Variants in BICC1 observed in about 807,000 individuals in gnomAD.
BICC1 encodes BicC family RNA binding protein 1.
BICC1 carries 43 observed loss-of-function variants against 111.0 expected under a neutral mutation model. The ratio of observed to expected loss-of-function variants is 0.39; its 90% confidence interval spans 0.30 to 0.50. The LOEUF (loss-of-function observed/expected upper bound fraction) is 0.50. Ranked by LOEUF, BICC1 falls within the 20% of genes least tolerant of loss-of-function variation. The pLI is 0.88. For missense variants in BICC1, 1,091 were observed against 1,203.2 expected (o/e 0.91, Z 1.38); for synonymous variants, 467 against 434.4 (o/e 1.07, Z -0.93).
chr10:58,769,404 G>GTGTATATATATATA (rs1050060686), intron 3 of BICC1, among the ~76,000 whole-genome samples: 30 of 109,750 alleles, frequency 2.7e-4, no homozygotes, highest in Non-Finnish European at 3.8e-4. Context: ...GTGTGTGTGT[G>GTGTATATATATATA]TATATATATA....
chr10:58,533,793 G>A (rs1026529310), intron 1 of BICC1, among the ~76,000 whole-genome samples: 1 of 151,682 alleles, frequency 6.6e-6, no homozygotes, highest in African/African-American at 2.4e-5. Flanking sequence ...CAGAAAAAAT[G>A]AGAAAGAAAG....
In BICC1 at chr10:58,686,179, G is replaced by C. The variant is rs370723467; in HGVS notation, c.238-15895G>C. 3.0e-4 allele frequency among the ~76,000 whole-genome samples: 45 copies of C among 152,336 alleles called. No individual in the cohort carries two copies. The East Asian group carries it at 8.7e-3, about 29-fold the overall frequency. On this transcript the variant is annotated intron_variant, in intron 2 of 20. Transcript: ENST00000373886. ...GTTGAAAATTCTTTTCTTTAAGAATGTTGAATATTGGACCCCACTCTATTC... is the reference window on the plus strand; with the variant it reads ...GTTGAAAATTCTTTTCTTTAAGAATCTTGAATATTGGACCCCACTCTATTC...
chr10:58,825,674 C>T (rs572522925), intron 20 of BICC1, among the ~76,000 whole-genome samples: 3 of 152,100 alleles, frequency 2.0e-5, no homozygotes, highest in Admixed American at 6.6e-5. Flanking sequence ...GCAGTGAGCT[C>T]GATGTTACAA....
chr10:58,736,616 A>G (rs938461044), intron 3 of BICC1, among the ~76,000 whole-genome samples: 4 of 152,222 alleles, frequency 2.6e-5, no homozygotes, highest in Admixed American at 1.3e-4. Flanking sequence ...GGGTATCTCC[A>G]TGATTTATTG....
chr10:58,529,371 A>G (rs1276252390), intron 1 of BICC1, among the ~76,000 whole-genome samples: 1 of 151,822 alleles, frequency 6.6e-6, no homozygotes. Flanking sequence ...GTATTTTCAG[A>G]ATTGTTTTAA....
chr10:58,709,755 G>A (rs982717174), intron 3 of BICC1, among the ~76,000 whole-genome samples: 1 of 152,210 alleles, frequency 6.6e-6, no homozygotes, highest in East Asian at 1.9e-4. Flanking sequence ...GTAAAAAAAT[G>A]TGGGACATGA....
At chr10:58,644,925 G>A (rs555802326) in intron 2 of BICC1, among the ~76,000 whole-genome samples, 8 of 152,004 alleles carry the variant, frequency 5.3e-5, no homozygotes, top group East Asian at 1.9e-4. Context: ...TTTAAATACC[G>A]GTTCTTAATA....
At position 58,693,820 on chromosome 10, in the gene BICC1, A is replaced by C. The variant is rs926493566; in HGVS notation, c.238-8254A>C. On this transcript the variant is annotated intron_variant, in intron 2 of 20. Transcript: ENST00000373886. ...CTCCCATTCTGTAGGTTGCCTGTTCACTCTGATGGTAGTTTCTTTTGCTGT... is the reference window on the plus strand; with the variant it reads ...CTCCCATTCTGTAGGTTGCCTGTTCCCTCTGATGGTAGTTTCTTTTGCTGT... Among the ~76,000 whole-genome samples, 10 of 152,026 alleles carry C rather than the reference A, an allele frequency of 6.6e-5. No individual in the cohort carries two copies. The South Asian group carries it at 2.1e-3, about 32-fold the overall frequency.
At chr10:58,579,288 G>A (rs1844199359) in intron 1 of BICC1, among the ~76,000 whole-genome samples, 1 of 152,184 alleles carries the variant, frequency 6.6e-6, no homozygotes, top group South Asian at 2.1e-4. Flanking sequence ...CTCCTTGCTG[G>A]AGAGAAGACA....
chr10:58,586,736 T>C (rs1295253162), intron 1 of BICC1, among the ~76,000 whole-genome samples: 3 of 151,696 alleles, frequency 2.0e-5, no homozygotes, highest in Non-Finnish European at 4.4e-5. Flanking sequence ...TACATGCAAA[T>C]GAATATATGT....
intron 2 of BICC1, among the ~76,000 whole-genome samples, chr10:58,665,992 C>A (rs1379188930): frequency 6.6e-6 from 1 of 152,102 alleles, no homozygotes; most frequent in African/African-American, 2.4e-5. Context: ...TCCTTATGTT[C>A]TCATACTTCT....
intron 2 of BICC1, among the ~76,000 whole-genome samples, chr10:58,682,708 G>A (rs573305668): frequency 6.6e-5 from 10 of 152,004 alleles, no homozygotes; most frequent in East Asian, 3.9e-4. Flanking sequence ...CATATCCTTC[G>A]CCCACTTTTT....
chr10:58,635,976 G>T (rs1427331990), intron 2 of BICC1, among the ~76,000 whole-genome samples: 1 of 152,128 alleles, frequency 6.6e-6, no homozygotes, highest in Non-Finnish European at 1.5e-5. Context: ...ACTTTGTTTG[G>T]ATTTTCTTAG....
chr10:58,783,814 T>C (rs1842941657), intron 3 of BICC1, among the ~76,000 whole-genome samples: 1 of 152,240 alleles, frequency 6.6e-6, no homozygotes, highest in South Asian at 2.1e-4. Context: ...TTCAGTTTTA[T>C]CATAAAGCTG....
At chr10:58,610,432 C>T in intron 1 of BICC1, among the ~76,000 whole-genome samples, 1 of 152,046 alleles carries the variant, frequency 6.6e-6, no homozygotes, top group East Asian at 1.9e-4. Context: ...AGCAGTGGTC[C>T]CCACTGTTAG....
At chr10:58,820,889 A>T (rs534111953) in intron 20 of BICC1, among the ~76,000 whole-genome samples, 71 of 152,252 alleles carry the variant, frequency 4.7e-4, no homozygotes, top group African/African-American at 1.6e-3. Context: ...CTGAGAAGAA[A>T]AGAATGCTGG....
chr10:58,676,257 G>A (rs1266043498), intron 2 of BICC1, among the ~76,000 whole-genome samples: 2 of 152,156 alleles, frequency 1.3e-5, no homozygotes, highest in Non-Finnish European at 2.9e-5. Context: ...GTGGCACCTG[G>A]AACTCCAGTG....
At position 58,789,744 on chromosome 10, in the gene BICC1, C is replaced by T. The variant is rs1308998335; in HGVS notation, c.858C>T (p.Ser286=). 2 of 1,614,074 alleles carry T rather than the reference C, an allele frequency of 1.2e-6. No homozygotes were observed. The highest frequency in any genetic ancestry group is 3.3e-5 in the Admixed American group (2 of 60,012). The change falls in exon 8 of 21, where the codon AGC becomes AGT. Residue 286 remains serine, a synonymous_variant. Transcript: ENST00000373886. The part of the protein sequence containing the change: ...AGSLASAIPV[S]TQLDIAAQHH... ...GCTTAGCATCAGCTATTCCTGTGAGCACACAACTAGATATTGCAGCTCAAC... is the reference window on the plus strand; with the variant it reads ...GCTTAGCATCAGCTATTCCTGTGAGTACACAACTAGATATTGCAGCTCAAC...
In BICC1 at chr10:58,574,987, T is replaced by C. The variant is rs144674671; in HGVS notation, c.191-45868T>C. On this transcript the variant is annotated intron_variant, in intron 1 of 20. Transcript: ENST00000373886. ...GAGCAAAAAATGACTCAGTATAATT[T>C]TAGAAATTATTTTGACCCCTCAAAC... is the stretch of plus-strand genomic sequence containing the variant. Among the ~76,000 whole-genome samples, 701 of 152,222 alleles carry C rather than the reference T, an allele frequency of 4.6e-3. 5 individuals carry two copies. Among genetic ancestry groups the C allele is most frequent in the African/African-American group, 0.016 (654 of 41,532 alleles).
Sources: gnomAD v4.1 joint callset for allele counts (sites outside exome capture counted in the v4.1 genomes callset) on GRCh38, gnomAD v4.1.1 for gene constraint, MANE v1.5 for transcripts, NCBI Gene and HGNC (gene_info 2026-07-23, HGNC 2026-07-21) for gene names.